Variants in EPS8 observed in about 807,000 individuals in gnomAD.
The protein encoded by EPS8 is EGFR pathway substrate 8, signaling adaptor.
In EPS8, 42 loss-of-function variants were observed where a neutral mutation model predicts 103.8. The observed-to-expected ratio is 0.40, with a 90% CI of 0.32 to 0.52. EPS8 has a LOEUF of 0.52. Ranked by LOEUF, EPS8 falls within the 20% of genes least tolerant of loss-of-function variation. The pLI is 0.40. For missense variants in EPS8, 969 were observed against 1,005.1 expected (o/e 0.96, Z 0.49); for synonymous variants, 344 against 344.6 (o/e 1.00, Z 0.02).
intron 15 of EPS8, among the ~76,000 whole-genome samples, chr12:15,643,320 T>A (rs1313623588): frequency 6.6e-6 from 1 of 152,206 alleles, no homozygotes; most frequent in Admixed American, 6.5e-5. Flanking sequence ...AGTGTTTACC[T>A]GAAGTGCTTC....
Position 15,670,897 on chromosome 12 carries a change from T to C in EPS8, c.163A>G (p.Ser55Gly), listed in dbSNP as rs1345688498. 1 of 1,612,514 alleles carries C rather than the reference T, an allele frequency of 6.2e-7. No homozygotes were observed. Among genetic ancestry groups the C allele is most frequent in the East Asian group, 2.2e-5 (1 of 44,782 alleles). ...YEQRKNYARD[S>G]VSSVSDISQY... ...GATATATCTGACACACTGCTGACAC[T>C]GTCCCGTGCATAATTCTTCCTTTGT... Residue 55 changes from serine (S) to glycine (G), a missense_variant, in exon 4 of 21, where the codon AGT becomes GGT. By Grantham distance (56) the Ser-to-Gly change is moderately conservative. Transcript: ENST00000281172.
intron 1 of EPS8, among the ~76,000 whole-genome samples, chr12:15,732,374 G>T (rs1443224748): frequency 2.0e-5 from 3 of 152,296 alleles, no homozygotes; most frequent in African/African-American, 7.2e-5. Flanking sequence ...GAAGATATCA[G>T]TAATAACAAT....
intron 10 of EPS8, 144 bp downstream of exon 10, chr12:15,660,470 G>A (rs1321390155): frequency 1.6e-6 from 1 of 619,292 alleles, no homozygotes; most frequent in African/African-American, 1.9e-5. Context: ...CATCACATTG[G>A]TCAGGCTAGT....
rs1017313043 is a variant in EPS8 at position 15,781,512 on chromosome 12, C to A, written c.-22+7649G>T. ...TGTAATTCTGAGATAAAGAAGCATG[C>A]CTTAAAGGGCTCTTGTAACAGTGAA... is the stretch of plus-strand genomic sequence containing the variant. On this transcript the variant is annotated intron_variant, in intron 1 of 20. Transcript: ENST00000281172. The surrounding 1 kb of genome is among the most constrained non-coding windows in gnomAD (Gnocchi z 4.1). Among the ~76,000 whole-genome samples, 4 of 152,116 alleles carry A rather than the reference C, an allele frequency of 2.6e-5. No homozygotes were observed. The highest frequency in any genetic ancestry group is 4.4e-5 in the Non-Finnish European group (3 of 68,022).
intron 8 of EPS8, chr12:15,665,334 A>ATT (rs1316398324): frequency 8.8e-5 from 14 of 159,738 alleles, no homozygotes; most frequent in African/African-American, 1.0e-4. Flanking sequence ...CTAAGATTTG[A>ATT]TTTTTTTTTT....
intron 1 of EPS8, 113 bp from the exon 2 acceptor site, chr12:15,683,085 G>T: frequency 1.8e-6 from 1 of 552,984 alleles, no homozygotes; most frequent in Non-Finnish European, 3.1e-6. Flanking sequence ...TAGTAGAAAT[G>T]CAAAGATAAA....
chr12:15,774,561 C>CATATAT (rs113650528), intron 1 of EPS8, among the ~76,000 whole-genome samples: 10 of 145,232 alleles, frequency 6.9e-5, no homozygotes, highest in Non-Finnish European at 1.5e-4. Flanking sequence ...TATACATATA[C>CATATAT]ATATATATAT....
At chr12:15,689,766 G>T (rs1946147334) in intron 1 of EPS8, among the ~76,000 whole-genome samples, 1 of 152,170 alleles carries the variant, frequency 6.6e-6, no homozygotes, top group Admixed American at 6.5e-5. Context: ...TGTACCCATT[G>T]TTAAGTGAAA....
At chr12:15,712,166 A>G (rs1946474330) in intron 1 of EPS8, among the ~76,000 whole-genome samples, 1 of 152,180 alleles carries the variant, frequency 6.6e-6, no homozygotes, top group Non-Finnish European at 1.5e-5. Flanking sequence ...GAATATTTTG[A>G]AAGAGTTGTT....
At chr12:15,788,207 A>T (rs1947329279) in intron 1 of EPS8, among the ~76,000 whole-genome samples, 1 of 152,246 alleles carries the variant, frequency 6.6e-6, no homozygotes, top group Non-Finnish European at 1.5e-5. Flanking sequence ...CTAACATATT[A>T]GCTCTTTTAC....
At chr12:15,635,001 T>A (rs917490236) in intron 17 of EPS8, among the ~76,000 whole-genome samples, 6 of 152,180 alleles carry the variant, frequency 3.9e-5, no homozygotes, top group Non-Finnish European at 7.4e-5. Flanking sequence ...CCGTGTAAAG[T>A]ACTTCAACAG....
intron 8 of EPS8, 68 bp downstream of exon 8, chr12:15,665,688 T>C: frequency 1.3e-6 from 2 of 1,565,190 alleles, no homozygotes; most frequent in South Asian, 2.3e-5. Context: ...GCATCAGAAT[T>C]TGAAAGCAAG....
chr12:15,671,404 G>A (rs1224340715), intron 3 of EPS8, among the ~76,000 whole-genome samples: 14 of 151,970 alleles, frequency 9.2e-5, no homozygotes, highest in Admixed American at 9.2e-4. Flanking sequence ...TATCCAAATT[G>A]GGATAGTGTT....
At chr12:15,669,340 C>T (rs1049102441) in intron 6 of EPS8, 47 bp downstream of exon 6, 2 of 1,547,930 alleles carry the variant, frequency 1.3e-6, no homozygotes, top group East Asian at 2.3e-5. Context: ...CAAAAGCTCC[C>T]AGACAATCTG....
intron 12 of EPS8, 125 bp downstream of exon 12, chr12:15,657,954 A>G (rs565777196): frequency 1.5e-6 from 1 of 652,958 alleles, no homozygotes; most frequent in Admixed American, 2.9e-5. Context: ...TGATGTTTAC[A>G]CAAATGGCAA....
intron 17 of EPS8, among the ~76,000 whole-genome samples, chr12:15,633,210 A>C (rs1474999236): frequency 2.0e-5 from 3 of 152,190 alleles, no homozygotes; most frequent in Middle Eastern, 3.2e-3. Context: ...TATTCCCCAC[A>C]AACAATCTTC....
intron 19 of EPS8, among the ~76,000 whole-genome samples, chr12:15,623,570 A>G (rs954737680): frequency 6.6e-5 from 10 of 152,218 alleles, no homozygotes; most frequent in Admixed American, 6.5e-4. Flanking sequence ...GGTGTTTTAT[A>G]GAAGGAATAG....
At position 15,727,245 on chromosome 12, in the gene EPS8, G is replaced by A. The variant is rs7957303; in HGVS notation, c.-21-44273C>T. Among the ~76,000 whole-genome samples the A allele has an allele frequency of 0.044, 6,637 of 152,142 alleles. 488 individuals are homozygous for A. Among genetic ancestry groups the A allele is most frequent in the African/African-American group, 0.15 (6,273 of 41,450 alleles). On this transcript the variant is annotated intron_variant, in intron 1 of 20. Coordinates refer to ENST00000281172, the MANE Select transcript of EPS8 (RefSeq NM_004447.6). This position sits in a 1 kb window ranked among gnomAD's most constrained non-coding sequence, Gnocchi z 4.3. ...GTGGATTTAATATCTACCTTTATAC[G>A]TAGGACTTTACACAACTGGGTTTGC...
chr12:15,672,606 C>T, intron 3 of EPS8: 1 of 342,522 alleles, frequency 2.9e-6, no homozygotes, highest in East Asian at 4.2e-5. Flanking sequence ...CTGTATTCTA[C>T]ATATTTTTAA....
Sources: allele counts gnomAD v4.1 joint callset (sites outside exome capture counted in the v4.1 genomes callset), GRCh38; gene constraint gnomAD v4.1.1; non-coding constraint Gnocchi (gnomAD v3.1); transcripts MANE v1.5; gene names NCBI Gene and HGNC (gene_info 2026-07-23, HGNC 2026-07-21).